DNAJC24: variants seen among roughly 807,000 people sequenced by gnomAD.
DNAJC24 encodes dnaJ homolog subfamily C member 24.
A neutral mutation model predicts 18.0 loss-of-function variants in DNAJC24; 17 were observed. The ratio of observed to expected loss-of-function variants is 0.94; its 90% CI spans 0.65 to 1.42. DNAJC24 has a LOEUF of 1.42. DNAJC24 is among the 40% of genes most tolerant of loss of function. The probability of loss-of-function intolerance (pLI) is 0.00; values close to 1 mark genes in which losing one functional copy is unlikely to be tolerated. For synonymous variants in DNAJC24, 55 were observed against 57.7 expected, an observed-to-expected ratio of 0.95 and a Z score of 0.21; for missense variants, 158 against 175.6, an observed-to-expected ratio of 0.90 and a Z score of 0.57.
At chr11:31,383,363 A>G (rs924084555) in intron 2 of DNAJC24, among the ~76,000 whole-genome samples, 3 of 152,136 alleles carry the variant, frequency 2.0e-5, no homozygotes, top group Non-Finnish European at 4.4e-5. Flanking sequence ...TTCCATTAGC[A>G]TACAAAAGAT....
At chr11:31,399,663 C>T (rs1317055325) in intron 2 of DNAJC24, among the ~76,000 whole-genome samples, 27 of 150,690 alleles carry the variant, frequency 1.8e-4, no homozygotes, top group African/African-American at 5.3e-4. Context: ...CTGCCCGCCT[C>T]GGCCTCCCAA....
At chr11:31,422,442 A>G (rs1192984828) in intron 3 of DNAJC24, among the ~76,000 whole-genome samples, 1 of 152,158 alleles carries the variant, frequency 6.6e-6, no homozygotes, top group African/African-American at 2.4e-5. Context: ...GCTTACTACC[A>G]TTCTATGTCA....
intron 4 of DNAJC24, among the ~76,000 whole-genome samples, chr11:31,428,945 A>G (rs765007690): frequency 1.3e-5 from 2 of 152,122 alleles, no homozygotes; most frequent in Non-Finnish European, 2.9e-5. Flanking sequence ...TGTCAACTCA[A>G]ATTGTTTTTC....
At chr11:31,390,931 A>G (rs1952489053) in intron 2 of DNAJC24, among the ~76,000 whole-genome samples, 1 of 152,200 alleles carries the variant, frequency 6.6e-6, no homozygotes, top group Non-Finnish European at 1.5e-5. Flanking sequence ...ACATAGGCCA[A>G]TATTTCTGAT....
At chr11:31,403,249 A>G (rs1404933108) in intron 2 of DNAJC24, among the ~76,000 whole-genome samples, 1 of 152,072 alleles carries the variant, frequency 6.6e-6, no homozygotes, top group African/African-American at 2.4e-5. Flanking sequence ...CAGGTTCACC[A>G]AAGCCAAACA....
At chr11:31,393,624 G>A (rs774720771) in intron 2 of DNAJC24, among the ~76,000 whole-genome samples, 13 of 152,058 alleles carry the variant, frequency 8.5e-5, no homozygotes, top group Non-Finnish European at 1.2e-4. Context: ...AGGATGCAGC[G>A]TGCATGGTGT....
intron 2 of DNAJC24, among the ~76,000 whole-genome samples, chr11:31,409,385 T>C (rs1952685184): frequency 6.6e-6 from 1 of 152,206 alleles, no homozygotes. Context: ...AGTTCCCTCA[T>C]GCCCCTCTTT....
chr11:31,383,105 G>T (rs1028183526), intron 2 of DNAJC24, among the ~76,000 whole-genome samples: 2 of 152,030 alleles, frequency 1.3e-5, no homozygotes, highest in African/African-American at 4.8e-5. Context: ...CTGCCCTTCT[G>T]GCACAGTGTG....
intron 2 of DNAJC24, chr11:31,407,445 A>G (rs1240989794): frequency 6.6e-6 from 1 of 152,002 alleles, no homozygotes; most frequent in East Asian, 1.9e-4. Context: ...TGAATATATA[A>G]TATTCACAAG....
At chr11:31,425,093 G>T (rs1376361) in intron 3 of DNAJC24, among the ~76,000 whole-genome samples, 1 of 151,752 alleles carries the variant, frequency 6.6e-6, no homozygotes, top group African/African-American at 2.4e-5. Context: ...TTGACCCAAA[G>T]AACACTTGTT....
At chr11:31,412,616 A>G (rs1391924972) in intron 2 of DNAJC24, among the ~76,000 whole-genome samples, 1 of 152,170 alleles carries the variant, frequency 6.6e-6, no homozygotes, top group East Asian at 1.9e-4. Flanking sequence ...TTTTATGAGC[A>G]TCATTTGATA....
intron 2 of DNAJC24, among the ~76,000 whole-genome samples, chr11:31,391,402 C>A (rs1300853162): frequency 5.3e-5 from 8 of 152,000 alleles, no homozygotes; most frequent in African/African-American, 1.9e-4. Context: ...GTATAAGGAG[C>A]TTAAACAATA....
chr11:31,376,960 T>A (rs1464691833), intron 2 of DNAJC24, among the ~76,000 whole-genome samples: 2 of 152,280 alleles, frequency 1.3e-5, no homozygotes, highest in South Asian at 4.1e-4. Context: ...AAAAGCATAT[T>A]ATTTATAATG....
At chr11:31,403,549 T>A (rs1952623493) in intron 2 of DNAJC24, among the ~76,000 whole-genome samples, 14 of 152,208 alleles carry the variant, frequency 9.2e-5, no homozygotes, top group Admixed American at 9.2e-4. Flanking sequence ...AGCAGAGCTT[T>A]GTGTAAATAC....
At chr11:31,408,899 G>C (rs1952679550) in intron 2 of DNAJC24, among the ~76,000 whole-genome samples, 2 of 152,034 alleles carry the variant, frequency 1.3e-5, no homozygotes, top group African/African-American at 2.4e-5. Context: ...AGATGTCTTT[G>C]TATAATAAAG....
chr11:31,423,863 CTT>C (rs1468593499), intron 3 of DNAJC24, among the ~76,000 whole-genome samples: 4 of 152,222 alleles, frequency 2.6e-5, no homozygotes, highest in Non-Finnish European at 5.9e-5. Flanking sequence ...TGTGTATTCT[CTT>C]TTCATATTTA....
intron 4 of DNAJC24, chr11:31,429,499 G>C (rs1952898500): frequency 2.5e-6 from 1 of 397,182 alleles, no homozygotes; most frequent in African/African-American, 2.0e-5. Flanking sequence ...CTCAGAGACA[G>C]TAAAATGGAA....
intron 2 of DNAJC24, among the ~76,000 whole-genome samples, chr11:31,380,142 A>T (rs1173277156): frequency 6.6e-6 from 1 of 152,172 alleles, no homozygotes; most frequent in Non-Finnish European, 1.5e-5. Context: ...TGAAGAGATG[A>T]TTTAGGGCAT....
At chr11:31,370,588 C>T in intron 1 of DNAJC24, 128 bp from the exon 2 acceptor site, 1 of 456,944 alleles carries the variant, frequency 2.2e-6, no homozygotes, top group South Asian at 6.0e-5. Flanking sequence ...AAAATCTGTG[C>T]TTCCTCAGGT....
Sources: allele counts gnomAD v4.1 joint callset (sites outside exome capture counted in the v4.1 genomes callset), GRCh38; gene constraint gnomAD v4.1.1; transcripts MANE v1.5; gene names NCBI Gene and HGNC (gene_info 2026-07-23, HGNC 2026-07-21).